ANK2: variants seen among roughly 807,000 people sequenced by gnomAD.
The protein encoded by ANK2 is ankyrin 2, also known as ankyrin-2.
Under a neutral mutation model 360.5 loss-of-function variants are expected in ANK2, and 83 were observed. That is an observed-to-expected ratio of 0.23 (90% CI 0.19 to 0.28). The LOEUF is 0.28. ANK2 is among the 10% of genes least tolerant of loss of function. The pLI, the probability that ANK2 is intolerant of heterozygous loss-of-function variation, is 1.00. For synonymous variants in ANK2, 1,740 were observed against 1,759.5 expected (o/e 0.99, Z 0.28); for missense variants, 4,201 against 4,795.7 (o/e 0.88, Z 3.66).
chr4:113,179,612 T>C (rs979575619), intron 2 of ANK2, among the ~76,000 whole-genome samples: 3 of 152,214 alleles, frequency 2.0e-5, no homozygotes, highest in Admixed American at 6.5e-5. Context: ...ATTACACCAG[T>C]CATCTTTTTA....
intron 1 of ANK2, among the ~76,000 whole-genome samples, chr4:113,129,009 C>A (rs1174237342): frequency 2.0e-5 from 3 of 152,082 alleles, no homozygotes; most frequent in Admixed American, 6.5e-5. Context: ...TGAGTAAGAA[C>A]AGGCTCGGAA....
At position 113,143,906 on chromosome 4, in the gene ANK2, A is replaced by G. The variant is rs775384018; in HGVS notation, c.85-30510A>G. ...ATATTATGATGAATCGTTAGTCTAT[A>G]TAAAATTATTCAGGAAACATGAAAG... On this transcript the variant is annotated intron_variant, in intron 1 of 45. Transcript: ENST00000357077. Among the ~76,000 whole-genome samples, 105 of 152,256 alleles carry G rather than the reference A, an allele frequency of 6.9e-4. 1 individual carries two copies. The highest frequency in any genetic ancestry group is 1.2e-3 in the Non-Finnish European group (84 of 68,040).
At chr4:112,890,435 G>A in intron 1 of ANK2, among the ~76,000 whole-genome samples, 1 of 151,456 alleles carries the variant, frequency 6.6e-6, no homozygotes, top group East Asian at 2.0e-4. Context: ...TTGGGCTGTA[G>A]AATATTACAT....
At chr4:113,141,397 TC>T (rs769625218) in intron 1 of ANK2, 1 of 152,218 alleles carries the variant, frequency 6.6e-6, no homozygotes, top group Non-Finnish European at 1.5e-5. Context: ...GTGATCACCT[TC>T]AACTATGGCC....
At chr4:113,248,731 GC>G (rs1412070726) in intron 9 of ANK2, among the ~76,000 whole-genome samples, 1 of 152,122 alleles carries the variant, frequency 6.6e-6, no homozygotes, top group Non-Finnish European at 1.5e-5. Flanking sequence ...CAAACGAGAG[GC>G]CATTTGAGTT....
the ANK2 span, among the ~76,000 whole-genome samples, chr4:112,742,361 T>C: frequency 7.2e-5 from 11 of 152,102 alleles, no homozygotes; most frequent in Non-Finnish European, 1.6e-4. Context: ...ATTCACCGTG[T>C]TGGCACAGTG....
At chr4:112,892,577 T>C (rs77481021) in intron 1 of ANK2, among the ~76,000 whole-genome samples, 4,190 of 152,300 alleles carry the variant, frequency 0.028, 184 homozygotes, top group African/African-American at 0.092. Flanking sequence ...AAGCTCTTTA[T>C]GAATATAAAG....
In ANK2 at chr4:112,986,919, A is replaced by AT. The variant is rs564710455; in HGVS notation, c.21+82411dup. Among the ~76,000 whole-genome samples, 20 of 152,244 alleles carry AT rather than the reference A, an allele frequency of 1.3e-4. 1 individual carries two copies. The South Asian group carries it at 3.7e-3, about 28-fold the overall frequency. Reference sequence around the variant, plus strand: ...ACACACATGGCATATATCCAATTCCATTTTTTACATATCAGCTACTTCAGT... The same window carrying AT: ...ACACACATGGCATATATCCAATTCCATTTTTTTACATATCAGCTACTTCAGT... On this transcript the variant is annotated intron_variant, in intron 2 of 30. Coordinates refer to the ANK2 transcript ENST00000503271.
At chr4:112,978,101 G>T (rs1338327925) in intron 2 of ANK2, among the ~76,000 whole-genome samples, 2 of 151,976 alleles carry the variant, frequency 1.3e-5, no homozygotes, top group Non-Finnish European at 2.9e-5. Context: ...AAAATTAGCC[G>T]GGTATGGTGG....
At chr4:113,122,232 AG>A (rs2095409114) in intron 1 of ANK2, among the ~76,000 whole-genome samples, 1 of 152,102 alleles carries the variant, frequency 6.6e-6, no homozygotes, top group Non-Finnish European at 1.5e-5. Context: ...ACTGCAGTGT[AG>A]GAGGAGATTG....
At chr4:113,320,859 GT>G (rs1372780798) in intron 26 of ANK2, among the ~76,000 whole-genome samples, 1 of 152,118 alleles carries the variant, frequency 6.6e-6, no homozygotes, top group Non-Finnish European at 1.5e-5. Flanking sequence ...TCTCTCAAAT[GT>G]TCTTTATTTC....
rs546672033 is a variant in ANK2, at chr4:113,010,665, G to A, written c.21+106151G>A. The stretch of plus-strand genomic sequence containing the variant: ...CTGGTGTGATGGAGAGCCTAAAGAG[G>A]AGTCCTCTTTAGACATGGTAGATGG... On this transcript the variant is annotated intron_variant, in intron 2 of 30. Transcript: ENST00000503271. 2.0e-4 allele frequency among the ~76,000 whole-genome samples: 31 copies of A among 152,192 alleles called. 1 individual carries two copies. Among genetic ancestry groups the A allele is most frequent in the African/African-American group, 6.7e-4 (28 of 41,528 alleles).
chr4:112,981,678 T>A (rs568406242), intron 2 of ANK2, among the ~76,000 whole-genome samples: 1 of 152,316 alleles, frequency 6.6e-6, no homozygotes, highest in South Asian at 2.1e-4. Flanking sequence ...TTGCAGTTAG[T>A]CCTTTTGCTG....
intron 1 of ANK2, chr4:112,827,221 T>C (rs998303241): frequency 1.6e-5 from 17 of 1,091,720 alleles, no homozygotes; most frequent in Admixed American, 5.1e-5. Flanking sequence ...GCTGGATCAA[T>C]TGGAGAAGCA....
At chr4:112,814,604 C>T (rs2055512180), upstream of ANK2, among the ~76,000 whole-genome samples, 1 of 152,100 alleles carries the variant, frequency 6.6e-6, no homozygotes, top group Non-Finnish European at 1.5e-5. Context: ...TGTACCACCA[C>T]TCCAGGCTAA....
chr4:113,019,634 A>G (rs2057538919), intron 2 of ANK2, among the ~76,000 whole-genome samples: 1 of 152,188 alleles, frequency 6.6e-6, no homozygotes, highest in Non-Finnish European at 1.5e-5. Flanking sequence ...CATTAAAAAT[A>G]CCATCTGTAC....
At chr4:113,145,677 T>C (rs1415070677) in intron 1 of ANK2, 1 of 1,122,046 alleles carries the variant, frequency 8.9e-7, no homozygotes, top group Admixed American at 3.8e-5. Flanking sequence ...TTGCCGGGGG[T>C]TTTGAGTTCT....
chr4:112,776,243 A>G, the ANK2 span, among the ~76,000 whole-genome samples: 4 of 152,230 alleles, frequency 2.6e-5, no homozygotes, highest in Admixed American at 6.5e-5. Flanking sequence ...ATACAAATTT[A>G]TTTAATATAA....
chr4:113,113,818 C>T (rs1046730693), intron 1 of ANK2, among the ~76,000 whole-genome samples: 1 of 152,066 alleles, frequency 6.6e-6, no homozygotes, highest in African/African-American at 2.4e-5. Flanking sequence ...AGAACTGATA[C>T]CAATTATTTT....
Sources: gnomAD v4.1 joint callset for allele counts (sites outside exome capture counted in the v4.1 genomes callset) on GRCh38, gnomAD v4.1.1 for gene constraint, MANE v1.5 for transcripts, NCBI Gene and HGNC (gene_info 2026-07-23, HGNC 2026-07-21) for gene names.